The following PFN4 variants were observed in gnomAD, a reference collection of about 807,000 sequenced individuals.
PFN4 encodes profilin-4.
Under a neutral mutation model 16.3 loss-of-function variants are expected in PFN4, and 10 were observed. The observed-to-expected ratio is 0.61, with a 90% CI of 0.38 to 1.04. PFN4 has a LOEUF of 1.04. Among genes scored for constraint, PFN4 ranks in the 50% least tolerant of loss-of-function variants. The pLI is 0.01. For missense variants in PFN4, 136 were observed against 153.6 expected (o/e 0.89, Z 0.61); for synonymous variants, 54 against 56.9 (o/e 0.95, Z 0.23).
Position 24,115,544 on chromosome 2 carries a change from C to T in PFN4, c.*39G>A, listed in dbSNP as rs371600660. The T allele has an allele frequency of 3.5e-4, 560 of 1,578,808 alleles. 3 individuals are homozygous for T. Among genetic ancestry groups the T allele is most frequent in the Middle Eastern group, 2.6e-3 (12 of 4,656 alleles). On this transcript the variant is annotated 3_prime_UTR_variant, in exon 5 of 5. Transcript: ENST00000313213. ...TTTCTTTAGGCTCTTCAATTTTCTT[C>T]TAAAATAATAAAATTGTCTTTCATG...
In PFN4 at chr2:24,121,260, G is replaced by A. The variant is rs773082250; in HGVS notation, c.158C>T (p.Ala53Val). ...SDVRTLVNGF[A>V]KNPLQARREG... Reference sequence around the variant, plus strand: ...TCTTCGGGCTTGCAAAGGGTTCTTGGCAAATCCATTCACCAGTGTTCGGAC... The same window carrying A: ...TCTTCGGGCTTGCAAAGGGTTCTTGACAAATCCATTCACCAGTGTTCGGAC... The change falls in exon 3 of 5, where the codon GCC (alanine) becomes GTC (valine). Residue 53 changes from alanine (A) to valine (V), a missense_variant. By Grantham distance (64) the Ala-to-Val change is moderately conservative. Coordinates refer to ENST00000313213, the MANE Select transcript of PFN4 (RefSeq NM_199346.3). The A allele has an allele frequency of 3.7e-6, 6 of 1,614,114 alleles. No individual in the cohort carries two copies. In the South Asian group the frequency reaches 5.5e-5, roughly 15 times the overall value.
intron 4 of PFN4, among the ~76,000 whole-genome samples, chr2:24,117,806 T>C (rs1271199455): frequency 6.6e-6 from 1 of 152,160 alleles, no homozygotes; most frequent in Admixed American, 6.5e-5. Flanking sequence ...TAGAGAAAAA[T>C]ATTTTTTTAA....
chr2:24,121,001 T>C (rs1573752937), intron 3 of PFN4, among the ~76,000 whole-genome samples, 162 bp downstream of exon 3: 1 of 118,678 alleles, frequency 8.4e-6, no homozygotes, highest in Admixed American at 7.6e-5. Context: ...GATAGGACTT[T>C]CTTTCACATA....
intron 3 of PFN4, among the ~76,000 whole-genome samples, chr2:24,120,277 A>ACAAC (rs112720334): frequency 0.14 from 20,905 of 151,470 alleles, 1,773 homozygotes; most frequent in South Asian, 0.2. Context: ...TCAAAAAAAA[A>ACAAC]AACAACAACA....
Position 24,122,564 on chromosome 2 carries a change from A to C in PFN4, c.-12-17T>G, listed in dbSNP as rs774987146. 3 of 1,492,336 alleles carry C rather than the reference A, an allele frequency of 2.0e-6. No individual in the cohort carries two copies. Among genetic ancestry groups the C allele is most frequent in the East Asian group, 4.5e-5 (2 of 44,326 alleles). 92.4% of individuals were successfully genotyped at this position (1,492,336 alleles called of 1,614,324 possible). A position where few individuals can be genotyped will look rare whatever the true frequency, so the allele number is the denominator to read the frequency against. On this transcript the variant is annotated splice_polypyrimidine_tract_variant and intron_variant, in intron 1 of 4. Transcript: ENST00000313213. ...CCCTCAACTCTGAAAGGGAAAGTGC[A>C]GTTGAAGCCATTGACTCTGGCTAGC...
At position 24,122,454 on chromosome 2, in the gene PFN4, C is replaced by T. The variant is rs79726112; in HGVS notation, c.82G>A (p.Glu28Lys). The T allele has an allele frequency of 2.9e-3, 4,664 of 1,613,972 alleles. 14 individuals are homozygous for T. Among genetic ancestry groups the T allele is most frequent in the Middle Eastern group, 0.014 (83 of 6,062 alleles). ...VDSAALIKIQERSLCVASPGF... is the reference protein window; with the variant it reads ...VDSAALIKIQKRSLCVASPGF... ...GGTGATGCTACACACAAGCTCCGCT[C>T]CTGGATTTTGATGAGGGCTGCACTG... Residue 28 changes from glutamate to lysine, a missense_variant, in exon 2 of 5, where the codon GAG becomes AAG. Transcript: ENST00000313213.
At chr2:24,120,673 A>G (rs1666083463) in intron 3 of PFN4, among the ~76,000 whole-genome samples, 1 of 152,042 alleles carries the variant, frequency 6.6e-6, no homozygotes, top group Non-Finnish European at 1.5e-5. Flanking sequence ...CTCCTGCCTC[A>G]GCCTCCCAAG....
At chr2:24,116,593 G>A (rs1027410811) in intron 4 of PFN4, among the ~76,000 whole-genome samples, 12 of 151,658 alleles carry the variant, frequency 7.9e-5, no homozygotes, top group East Asian at 2.0e-4. Context: ...AGTGGCTCAC[G>A]CCTATAATCC....
intron 4 of PFN4, 147 bp from the exon 5 acceptor site, chr2:24,115,758 C>G (rs1411303996): frequency 2.4e-6 from 2 of 821,594 alleles, no homozygotes; most frequent in Non-Finnish European, 3.9e-6. Flanking sequence ...ACAAGGGTGA[C>G]TGGATAGTTG....
intron 1 of PFN4, 136 bp from the exon 2 acceptor site, chr2:24,122,683 G>A (rs1349359733): frequency 1.7e-6 from 1 of 595,454 alleles, no homozygotes; most frequent in Non-Finnish European, 3.0e-6. Context: ...GGTGAAAACG[G>A]TGGTCCATCA....
intron 3 of PFN4, 114 bp downstream of exon 3, chr2:24,121,049 G>C: frequency 7.3e-7 from 1 of 1,378,138 alleles, no homozygotes. Context: ...CAAGACAATG[G>C]CTCAAGACAT....
At chr2:24,116,069 C>G (rs1052509434) in intron 4 of PFN4, among the ~76,000 whole-genome samples, 1 of 152,108 alleles carries the variant, frequency 6.6e-6, no homozygotes, top group Non-Finnish European at 1.5e-5. Flanking sequence ...TGGCTCATAT[C>G]TGTAATCCCA....
chr2:24,122,322 G>A (rs1370968841), intron 2 of PFN4, 97 bp downstream of exon 2: 8 of 804,152 alleles, frequency 9.9e-6, no homozygotes, highest in Admixed American at 6.7e-5. Context: ...GTGAAATTCC[G>A]TCTCAAAAAA....
chr2:24,122,588 G>A, intron 1 of PFN4, 41 bp from the exon 2 acceptor site: 1 of 1,206,694 alleles, frequency 8.3e-7, no homozygotes, highest in South Asian at 1.2e-5. Context: ...ACTCTGGCTA[G>A]CTTTTAAAAG....
chr2:24,119,751 C>G lies in PFN4; in HGVS notation c.256-69G>C, dbSNP rs868255807. 4 of 1,150,806 alleles carry G rather than the reference C, an allele frequency of 3.5e-6. No individual in the cohort carries two copies. The African/African-American group carries it at 4.5e-5, about 13-fold the overall frequency. 71.3% of individuals were successfully genotyped at this position (1,150,806 alleles called of 1,614,324 possible). A position where few individuals can be genotyped will look rare whatever the true frequency, so the allele number is the denominator to read the frequency against. ...CACAGGACCAGTGGTCATGCTCCAG[C>G]TACGTTTTTCACCATTTCCTGATTT... is the stretch of plus-strand genomic sequence containing the variant. On this transcript the variant is annotated intron_variant, in intron 3 of 4. Transcript: ENST00000313213.
Position 24,115,466 on chromosome 2 carries a change from ATTC to A in PFN4, c.*114_*116del. On this transcript the variant is annotated 3_prime_UTR_variant, in exon 5 of 5. Transcript: ENST00000313213. ...GTAATAAAAATTGCTCCCTTAATTC[ATTC>A]TTCTTTTTTAGTGCCTTCTGTCTAG... The A allele has an allele frequency of 2.4e-6, 2 of 848,492 alleles. No individual in the cohort carries two copies. The highest frequency in any genetic ancestry group is 1.7e-5 in the African/African-American group (1 of 58,240). 52.6% of individuals were successfully genotyped at this position (848,492 alleles called of 1,614,324 possible).
At position 24,122,506 on chromosome 2, in the gene PFN4, G is replaced by A; in HGVS notation, c.30C>T (p.Asp10=). 6.2e-7 allele frequency: 1 copy of A among 1,614,002 alleles called. No homozygotes were observed. Among genetic ancestry groups the A allele is most frequent in the Non-Finnish European group, 8.5e-7 (1 of 1,179,892 alleles). The change falls in exon 2 of 5, where the codon GAC becomes GAT. Residue 10 remains aspartate, a synonymous_variant. Coordinates refer to ENST00000313213, the MANE Select transcript of PFN4 (RefSeq NM_199346.3). The stretch of plus-strand genomic sequence containing the variant: ...CCACATGCTTGGTTCCCAAGAGGGT[G>A]TCTAACAATAAGCTCTGCAAATGGC... MSHLQSLLL[D]TLLGTKHVDS...
chr2:24,120,057 T>C (rs936036728), intron 3 of PFN4, among the ~76,000 whole-genome samples: 19 of 151,636 alleles, frequency 1.3e-4, no homozygotes, highest in Admixed American at 1.1e-3. Context: ...TCACCTGAGG[T>C]TGGAAGTTTG....
Position 24,115,330 on chromosome 2 carries a change from A to G in PFN4, c.*253T>C, listed in dbSNP as rs1463220961. 1 of 466,562 alleles carries G rather than the reference A, an allele frequency of 2.1e-6. No homozygotes were observed. Among genetic ancestry groups the G allele is most frequent in the Admixed American group, 3.4e-5 (1 of 29,568 alleles). 28.9% of individuals were successfully genotyped at this position (466,562 alleles called of 1,614,324 possible). A position where few individuals can be genotyped will look rare whatever the true frequency, so the allele number is the denominator to read the frequency against. ...GAGCCTCACAGAAAGGAGCCTCCCAATAGATATGCTCTGTGAAATGATCAG... is the reference window on the plus strand; with the variant it reads ...GAGCCTCACAGAAAGGAGCCTCCCAGTAGATATGCTCTGTGAAATGATCAG... On this transcript the variant is annotated 3_prime_UTR_variant, in exon 5 of 5. Transcript: ENST00000313213.
Sources: gnomAD v4.1 joint callset for allele counts (sites outside exome capture counted in the v4.1 genomes callset) on GRCh38, gnomAD v4.1.1 for gene constraint, MANE v1.5 for transcripts, NCBI Gene and HGNC (gene_info 2026-07-23, HGNC 2026-07-21) for gene names.